CLMP: variants seen among roughly 807,000 people sequenced by gnomAD.
CLMP encodes CXADR-like membrane protein.
In CLMP, 27 loss-of-function variants were observed where a neutral mutation model predicts 45.2. The observed-to-expected ratio is 0.60, with a 90% CI of 0.44 to 0.82. The LOEUF (loss-of-function observed/expected upper bound fraction) is 0.82. Among genes scored for constraint, CLMP ranks in the 40% least tolerant of loss-of-function variants. The pLI, the probability that CLMP is intolerant of heterozygous loss-of-function variation, is 0.00. For synonymous variants in CLMP, 167 were observed against 171.4 expected, an observed-to-expected ratio of 0.97 and a Z score of 0.20; for missense variants, 403 against 448.4, an observed-to-expected ratio of 0.90 and a Z score of 0.91.
rs1865660309 is a variant in CLMP at position 123,070,558 on chromosome 11, T to C, written c.*2916A>G. ...TCATGCAAAGGAGACTGATTTTTGC[T>C]TTCAAAAGCATAGGCAGGAAACCTT... On this transcript the variant is annotated 3_prime_UTR_variant, in exon 7 of 7. Coordinates refer to ENST00000448775, the MANE Select transcript of CLMP (RefSeq NM_024769.5). 1 of 152,240 alleles carries C rather than the reference T, an allele frequency of 6.6e-6. No individual in the cohort carries two copies. The highest frequency in any genetic ancestry group is 1.9e-4 in the East Asian group (1 of 5,204). 9.4% of individuals were successfully genotyped at this position (152,240 alleles called of 1,614,324 possible).
chr11:123,143,114 T>C (rs7127455), intron 1 of CLMP, among the ~76,000 whole-genome samples: 42,731 of 152,084 alleles, frequency 0.28, 6,623 homozygotes, highest in African/African-American at 0.42. Context: ...GTGGGGACAC[T>C]GTGGAGTTCT....
intron 1 of CLMP, chr11:123,188,672 T>C (rs1482611349): frequency 6.6e-6 from 1 of 152,214 alleles, no homozygotes; most frequent in African/African-American, 2.4e-5. Flanking sequence ...GCATTCAGTC[T>C]TCTCACCGCC....
intron 1 of CLMP, among the ~76,000 whole-genome samples, chr11:123,175,702 T>C (rs1239958428): frequency 6.6e-6 from 1 of 152,220 alleles, no homozygotes; most frequent in Non-Finnish European, 1.5e-5. Context: ...TTTGAGGCAT[T>C]GCATTGGTTG....
intron 1 of CLMP, among the ~76,000 whole-genome samples, chr11:123,172,438 G>GC (rs1555086822): frequency 2.0e-5 from 3 of 151,382 alleles, no homozygotes; most frequent in African/African-American, 7.3e-5. Flanking sequence ...ATTTTGAGAT[G>GC]TTAATTTGTG....
Position 123,073,390 on chromosome 11 carries a change from T to G in CLMP, c.*84A>C. On this transcript the variant is annotated 3_prime_UTR_variant, in exon 7 of 7. Transcript: ENST00000448775. ...TTAGATGACCTCTCATCTGGTTGTG[T>G]GGCTGGTGACTTGAGCTCCAATGAC... is the stretch of plus-strand genomic sequence containing the variant. 1 of 1,450,838 alleles carries G rather than the reference T, an allele frequency of 6.9e-7. No individual in the cohort carries two copies. The highest frequency in any genetic ancestry group is 2.2e-5 in the Admixed American group (1 of 45,914). The allele number at this position is 1,450,838 out of a possible 1,614,324, so 89.9% of individuals were successfully genotyped here.
At chr11:123,080,574 G>T (rs187426218) in intron 5 of CLMP, among the ~76,000 whole-genome samples, 6 of 152,136 alleles carry the variant, frequency 3.9e-5, no homozygotes, top group Non-Finnish European at 8.8e-5. Flanking sequence ...TGATCTGCCC[G>T]CCTTGGCCTC....
intron 1 of CLMP, among the ~76,000 whole-genome samples, chr11:123,166,377 C>A (rs1485637680): frequency 2.6e-5 from 4 of 152,248 alleles, no homozygotes; most frequent in African/African-American, 9.6e-5. Flanking sequence ...CCAAGAGCTG[C>A]AAGCCTGACA....
At chr11:123,159,475 G>C (rs559256808) in intron 1 of CLMP, among the ~76,000 whole-genome samples, 12 of 152,234 alleles carry the variant, frequency 7.9e-5, no homozygotes, top group Non-Finnish European at 1.8e-4. Flanking sequence ...GGCAGCATAT[G>C]AGTGTGGGCA....
chr11:123,128,609 A>T (rs781400354), intron 1 of CLMP, among the ~76,000 whole-genome samples: 6 of 152,208 alleles, frequency 3.9e-5, no homozygotes, highest in Non-Finnish European at 8.8e-5. Flanking sequence ...GCAGTGAGCT[A>T]TGATCACGTC....
At chr11:123,185,389 A>G (rs989478963) in intron 1 of CLMP, among the ~76,000 whole-genome samples, 2 of 149,302 alleles carry the variant, frequency 1.3e-5, no homozygotes, top group African/African-American at 2.5e-5. Context: ...GCGCCAGGGG[A>G]GAGAGAGAGA....
intron 1 of CLMP, among the ~76,000 whole-genome samples, chr11:123,128,195 A>G (rs1860927950): frequency 6.6e-6 from 1 of 152,066 alleles, no homozygotes; most frequent in Non-Finnish European, 1.5e-5. Context: ...AAGAATGAAG[A>G]AAAAGACTTT....
intron 1 of CLMP, among the ~76,000 whole-genome samples, chr11:123,104,994 G>A (rs1860521748): frequency 6.6e-6 from 1 of 152,204 alleles, no homozygotes; most frequent in African/African-American, 2.4e-5. Context: ...CTGAGTGGTG[G>A]CAGTGGTAAG....
intron 1 of CLMP, among the ~76,000 whole-genome samples, chr11:123,137,393 C>T (rs1205193808): frequency 6.6e-6 from 1 of 151,698 alleles, no homozygotes; most frequent in African/African-American, 2.4e-5. Flanking sequence ...TCAGAGGACT[C>T]GCGTTTAGAA....
rs77420429 is a variant in CLMP at position 123,136,309 on chromosome 11, A to G, written c.29-38357T>C. ...GATTCCACCACTGGTGTCTTCGCGC[A>G]TACTCAGTTAAATCCAACACTTCGT... is the stretch of plus-strand genomic sequence containing the variant. On this transcript the variant is annotated intron_variant, in intron 1 of 6. Coordinates refer to ENST00000448775, the MANE Select transcript of CLMP (RefSeq NM_024769.5). 7.4e-3 allele frequency: 4,691 copies of G among 633,512 alleles called. 104 individuals carry two copies. The highest frequency in any genetic ancestry group is 0.035 in the South Asian group (2,426 of 70,022). 39.2% of individuals were successfully genotyped at this position (633,512 alleles called of 1,614,324 possible). A position where few individuals can be genotyped will look rare whatever the true frequency, so the allele number is the denominator to read the frequency against.
At chr11:123,119,012 T>C (rs1860769251) in intron 1 of CLMP, among the ~76,000 whole-genome samples, 3 of 37,760 alleles carry the variant, frequency 7.9e-5, no homozygotes, top group African/African-American at 1.4e-4. Flanking sequence ...TCTCTCTCTC[T>C]CTCTCTCTCT....
chr11:123,128,999 G>A (rs750098842), intron 1 of CLMP, among the ~76,000 whole-genome samples: 4 of 152,122 alleles, frequency 2.6e-5, no homozygotes, highest in Non-Finnish European at 5.9e-5. Flanking sequence ...TTAAACTGAA[G>A]ATCTGTCTGC....
At chr11:123,144,221 C>T (rs1248216095) in intron 1 of CLMP, among the ~76,000 whole-genome samples, 6 of 152,066 alleles carry the variant, frequency 3.9e-5, no homozygotes, top group Non-Finnish European at 8.8e-5. Flanking sequence ...AATTTGTAGC[C>T]ATTTGTTACA....
chr11:123,138,310 C>A (rs1481398927), intron 1 of CLMP, among the ~76,000 whole-genome samples: 1 of 152,028 alleles, frequency 6.6e-6, no homozygotes, highest in Non-Finnish European at 1.5e-5. Flanking sequence ...TCCCATCAAG[C>A]CTCCTCCCCT....
At chr11:123,103,008 T>G (rs1345234765) in intron 1 of CLMP, among the ~76,000 whole-genome samples, 2 of 152,150 alleles carry the variant, frequency 1.3e-5, no homozygotes, top group Admixed American at 1.3e-4. Flanking sequence ...TTTGTTGAAT[T>G]TATCTGAGTG....
Sources: gnomAD v4.1 joint callset for allele counts (sites outside exome capture counted in the v4.1 genomes callset) on GRCh38, gnomAD v4.1.1 for gene constraint, MANE v1.5 for transcripts, NCBI Gene and HGNC (gene_info 2026-07-23, HGNC 2026-07-21) for gene names.